Variants in SLC35F3 observed in about 807,000 individuals in gnomAD.
The protein encoded by SLC35F3 is solute carrier family 35 member F3, also known as putative thiamine transporter SLC35F3.
In SLC35F3, 25 loss-of-function variants were observed where a neutral mutation model predicts 49.9. The observed-to-expected ratio is 0.50, with a 90% CI of 0.37 to 0.70. The LOEUF (loss-of-function observed/expected upper bound fraction) is 0.70. Among genes scored for constraint, SLC35F3 ranks in the 30% least tolerant of loss-of-function variants. The pLI is 0.00. For synonymous variants in SLC35F3, 275 were observed against 265.4 expected (o/e 1.04, Z -0.35); for missense variants, 525 against 639.8 (o/e 0.82, Z 1.94).
chr1:233,925,522 G>A (rs191235973), intron 2 of SLC35F3, among the ~76,000 whole-genome samples: 89 of 152,076 alleles, frequency 5.9e-4, no homozygotes, highest in African/African-American at 2.0e-3. Flanking sequence ...TTGAGCCTAT[G>A]TGTGTCTGCA....
rs1281131244 is a variant in SLC35F3, at chr1:233,986,575, T to G, written c.283+80817T>G. ...CCAAGCTAATAAAATATACATATGT[T>G]TATGTGTATCTGTTTGAGGCATTTT... On this transcript the variant is annotated intron_variant, in intron 2 of 7. Transcript: ENST00000366618. Among the ~76,000 whole-genome samples, 7 of 152,328 alleles carry G rather than the reference T, an allele frequency of 4.6e-5. No homozygotes were observed. The East Asian group carries it at 1.3e-3, about 29-fold the overall frequency.
At chr1:233,969,060 T>TGG (rs57775031) in intron 2 of SLC35F3, among the ~76,000 whole-genome samples, 13,264 of 145,238 alleles carry the variant, frequency 0.091, 1,019 homozygotes, top group African/African-American at 0.21. Flanking sequence ...TGACATATTT[T>TGG]GGGGGGGGGG....
At chr1:233,913,382 A>T (rs1297040877) in intron 2 of SLC35F3, among the ~76,000 whole-genome samples, 1 of 152,200 alleles carries the variant, frequency 6.6e-6, no homozygotes, top group African/African-American at 2.4e-5. Context: ...ACCTCCTCCC[A>T]AGAGCCTTTA....
At chr1:234,129,978 A>G (rs1205683539) in intron 2 of SLC35F3, among the ~76,000 whole-genome samples, 1 of 152,222 alleles carries the variant, frequency 6.6e-6, no homozygotes, top group African/African-American at 2.4e-5. Flanking sequence ...AACATAAGAA[A>G]ATATCTTTAA....
chr1:234,226,546 T>G (rs1339782378), intron 2 of SLC35F3, among the ~76,000 whole-genome samples: 1 of 54,176 alleles, frequency 1.8e-5, no homozygotes, highest in Non-Finnish European at 3.2e-5. Flanking sequence ...TGACTTACAT[T>G]AAGTTAAAAA....
At chr1:234,233,897 G>A (rs573575010) in intron 3 of SLC35F3, among the ~76,000 whole-genome samples, 1 of 152,226 alleles carries the variant, frequency 6.6e-6, no homozygotes, top group Non-Finnish European at 1.5e-5. Context: ...AGCTGTGTTA[G>A]CCCCGTGGCT....
chr1:234,077,342 G>T (rs1664808250), intron 2 of SLC35F3, among the ~76,000 whole-genome samples: 1 of 152,212 alleles, frequency 6.6e-6, no homozygotes, highest in East Asian at 1.9e-4. Flanking sequence ...CAACATGTCT[G>T]GAGAGGCCTC....
chr1:233,916,813 A>G (rs1441453177), intron 2 of SLC35F3, among the ~76,000 whole-genome samples: 2 of 152,222 alleles, frequency 1.3e-5, no homozygotes, highest in Non-Finnish European at 2.9e-5. Context: ...TTAGAAGCCC[A>G]TGGACGAGGC....
At chr1:234,100,780 G>C (rs1020709009) in intron 2 of SLC35F3, among the ~76,000 whole-genome samples, 1 of 152,212 alleles carries the variant, frequency 6.6e-6, no homozygotes, top group African/African-American at 2.4e-5. Flanking sequence ...GCAAAAAAAT[G>C]GGTGCCTCAT....
chr1:234,108,076 A>G (rs1009021087), intron 2 of SLC35F3, among the ~76,000 whole-genome samples: 1 of 151,002 alleles, frequency 6.6e-6, no homozygotes, highest in African/African-American at 2.4e-5. Flanking sequence ...AAGTGCTAGC[A>G]TTTACTGAAA....
At chr1:234,305,674 C>T (rs529748004) in intron 3 of SLC35F3, among the ~76,000 whole-genome samples, 4 of 152,250 alleles carry the variant, frequency 2.6e-5, no homozygotes, top group African/African-American at 9.6e-5. Flanking sequence ...TGAGCCACCA[C>T]CCCCAGCCTA....
chr1:233,972,072 A>G (rs1663003528), intron 2 of SLC35F3, among the ~76,000 whole-genome samples: 1 of 152,366 alleles, frequency 6.6e-6, no homozygotes, highest in Middle Eastern at 3.4e-3. Context: ...TCCTCGGGTA[A>G]CAGTATTTGA....
At chr1:234,199,813 A>C (rs2102933935) in intron 2 of SLC35F3, among the ~76,000 whole-genome samples, 1 of 152,350 alleles carries the variant, frequency 6.6e-6, no homozygotes, top group African/African-American at 2.4e-5. Flanking sequence ...AAATAATCCA[A>C]TTAAAAAACG....
intron 2 of SLC35F3, among the ~76,000 whole-genome samples, chr1:234,017,696 A>C (rs1415896187): frequency 7.1e-6 from 1 of 140,742 alleles, no homozygotes; most frequent in Non-Finnish European, 1.5e-5. Context: ...CCTGGGAGAC[A>C]GAGCGAGACT....
intron 2 of SLC35F3, among the ~76,000 whole-genome samples, chr1:234,108,682 T>A (rs1300086915): frequency 3.3e-5 from 4 of 122,090 alleles, no homozygotes; most frequent in South Asian, 2.4e-4. Context: ...ATATATATAT[T>A]TTTATATATA....
chr1:234,000,241 A>G (rs964315598), intron 2 of SLC35F3, among the ~76,000 whole-genome samples: 1 of 152,226 alleles, frequency 6.6e-6, no homozygotes, highest in Middle Eastern at 3.2e-3. Flanking sequence ...TCCTAGTGCA[A>G]TAAGCATGTA....
chr1:233,979,392 C>T (rs1486551613), intron 2 of SLC35F3, among the ~76,000 whole-genome samples: 2 of 152,098 alleles, frequency 1.3e-5, no homozygotes, highest in African/African-American at 2.4e-5. Context: ...TTATTCGGGC[C>T]GAACAGTACC....
chr1:234,302,773 C>CTG lies in SLC35F3; in HGVS notation c.609-6325_609-6324dup, dbSNP rs1289858933. 2.0e-5 allele frequency among the ~76,000 whole-genome samples: 3 copies of CTG among 152,242 alleles called. No homozygotes were observed. The South Asian group carries it at 6.2e-4, about 32-fold the overall frequency. On this transcript the variant is annotated intron_variant, in intron 3 of 7. Coordinates refer to ENST00000366618, the MANE Select transcript of SLC35F3 (RefSeq NM_173508.4). ...TTAATTGCAGGGCTTCTCTCTCTCT[C>CTG]TGTGGTTTTCAAACTGTACCCCTCA...
chr1:233,948,831 C>T (rs13376178), intron 2 of SLC35F3, among the ~76,000 whole-genome samples: 44 of 150,702 alleles, frequency 2.9e-4, no homozygotes, highest in African/African-American at 1.1e-3. Context: ...TTTGTTCTTG[C>T]GATAGTTTAC....
Sources: gnomAD v4.1 joint callset for allele counts (sites outside exome capture counted in the v4.1 genomes callset) on GRCh38, gnomAD v4.1.1 for gene constraint, MANE v1.5 for transcripts, NCBI Gene and HGNC (gene_info 2026-07-23, HGNC 2026-07-21) for gene names.